The following SPTBN1 variants were observed in gnomAD, a reference collection of about 807,000 sequenced individuals.
SPTBN1 encodes spectrin beta chain, non-erythrocytic 1.
A neutral mutation model predicts 266.4 loss-of-function variants in SPTBN1; 32 were observed. The ratio of observed to expected loss-of-function variants is 0.12; its 90% CI spans 0.09 to 0.16. The LOEUF (loss-of-function observed/expected upper bound fraction) is 0.16. Ranked by LOEUF, SPTBN1 falls within the 10% of genes least tolerant of loss-of-function variation. The probability of loss-of-function intolerance (pLI) is 1.00; values close to 1 mark genes in which losing one functional copy is unlikely to be tolerated. For synonymous variants in SPTBN1, 1,336 were observed against 1,162.2 expected, an observed-to-expected ratio of 1.15 and a Z score of -3.04; for missense variants, 2,296 against 3,067.1, an observed-to-expected ratio of 0.75 and a Z score of 5.94.
intron 28 of SPTBN1, among the ~76,000 whole-genome samples, chr2:54,655,585 C>G (rs1428063136): frequency 6.6e-6 from 1 of 152,122 alleles, no homozygotes; most frequent in Non-Finnish European, 1.5e-5. Flanking sequence ...CGTGTGTGGC[C>G]CCCTGCATGG....
intron 1 of SPTBN1, among the ~76,000 whole-genome samples, chr2:54,507,375 G>A (rs542256736): frequency 6.6e-6 from 1 of 152,108 alleles, no homozygotes; most frequent in Non-Finnish European, 1.5e-5. Flanking sequence ...GGGTGGTATG[G>A]AGAGATAATG....
At chr2:54,668,255 C>G (rs1436650961) in intron 35 of SPTBN1, 96 bp from the exon 36 acceptor site, 3 of 1,185,698 alleles carry the variant, frequency 2.5e-6, no homozygotes, top group African/African-American at 1.5e-5. Context: ...CTGCTTACCC[C>G]TCAGTTGGCC....
chr2:54,558,684 A>G lies in SPTBN1; in HGVS notation c.148+32118A>G. The G allele has an allele frequency of 6.5e-7, 1 of 1,536,270 alleles. No homozygotes were observed. The highest frequency in any genetic ancestry group is 8.8e-7 in the Non-Finnish European group (1 of 1,137,956). On this transcript the variant is annotated intron_variant, in intron 2 of 35. Coordinates refer to ENST00000356805, the MANE Select transcript of SPTBN1 (RefSeq NM_003128.3). This position sits in a 1 kb window ranked among gnomAD's most constrained non-coding sequence, Gnocchi z 4.6. ...GGAATGGGGCTCGCCTAAGGAGCCG[A>G]GCGCTGCGGAGGCTGCTGCGTGTTG...
intron 17 of SPTBN1, among the ~76,000 whole-genome samples, chr2:54,633,539 C>G (rs1311086592): frequency 2.0e-5 from 3 of 152,112 alleles, no homozygotes; most frequent in African/African-American, 7.2e-5. Context: ...GCCCCGGTTA[C>G]TTAAGTTGGA....
At chr2:54,607,933 G>A (rs551017121) in intron 3 of SPTBN1, among the ~76,000 whole-genome samples, 241 of 152,302 alleles carry the variant, frequency 1.6e-3, no homozygotes, top group South Asian at 2.3e-3. Context: ...TAAAATGGCC[G>A]CTTGTTACCC....
chr2:54,635,291 C>T (rs1038048087), intron 17 of SPTBN1, among the ~76,000 whole-genome samples: 5 of 152,230 alleles, frequency 3.3e-5, no homozygotes, highest in African/African-American at 7.2e-5. Flanking sequence ...CGAATGATGT[C>T]CGTTGCACTA....
At chr2:54,655,301 T>C in intron 28 of SPTBN1, 93 bp downstream of exon 28, 4 of 1,451,984 alleles carry the variant, frequency 2.8e-6, no homozygotes, top group Non-Finnish European at 3.8e-6. Context: ...ATACTGTGTT[T>C]ACATTCTTAT....
chr2:54,547,360 TC>T (rs1336015477), intron 2 of SPTBN1, among the ~76,000 whole-genome samples: 1 of 152,254 alleles, frequency 6.6e-6, no homozygotes, highest in Non-Finnish European at 1.5e-5. Flanking sequence ...TATCCATTCA[TC>T]CATTGATGGA....
At chr2:54,580,149 C>A (rs1001993019) in intron 2 of SPTBN1, among the ~76,000 whole-genome samples, 1 of 152,238 alleles carries the variant, frequency 6.6e-6, no homozygotes, top group African/African-American at 2.4e-5. Flanking sequence ...TCCGGCCACA[C>A]GGAACCTGAG....
At chr2:54,603,077 T>G (rs1358217435) in intron 3 of SPTBN1, among the ~76,000 whole-genome samples, 2 of 152,106 alleles carry the variant, frequency 1.3e-5, no homozygotes, top group Non-Finnish European at 2.9e-5. Flanking sequence ...TGCCACATGA[T>G]AAAGTGCCAG....
At chr2:54,621,267 C>T (rs1297254079) in intron 7 of SPTBN1, 133 bp from the exon 8 acceptor site, 5 of 569,272 alleles carry the variant, frequency 8.8e-6, no homozygotes, top group Non-Finnish European at 1.6e-5. Flanking sequence ...GCACGGATGG[C>T]AGAACACTCA....
intron 2 of SPTBN1, among the ~76,000 whole-genome samples, chr2:54,531,683 G>T (rs1289744312): frequency 1.3e-5 from 2 of 151,400 alleles, no homozygotes; most frequent in Admixed American, 1.3e-4. Flanking sequence ...ACAATGAATC[G>T]GCCAGCAATC....
intron 1 of SPTBN1, among the ~76,000 whole-genome samples, chr2:54,511,312 G>A (rs756046856): frequency 3.3e-5 from 5 of 152,174 alleles, no homozygotes; most frequent in Non-Finnish European, 7.3e-5. Context: ...AAGCAGTCAT[G>A]TGCAGGCCTC....
In SPTBN1 at chr2:54,653,283, G is replaced by T; in HGVS notation, c.5578-326G>T. The T allele has an allele frequency of 4.6e-6, 1 of 218,748 alleles. No homozygotes were observed. The highest frequency in any genetic ancestry group is 1.3e-4 in the South Asian group (1 of 7,518). The allele number at this position is 218,748 out of a possible 1,614,324, so 13.6% of individuals were successfully genotyped here. ...ATAGCAGATTAGGTATTTATTTTTT[G>T]GACTGTATCTGAATATGTCCCACTC... is the stretch of plus-strand genomic sequence containing the variant. On this transcript the variant is annotated intron_variant, in intron 26 of 35. Coordinates refer to ENST00000356805, the MANE Select transcript of SPTBN1 (RefSeq NM_003128.3). This position sits in a 1 kb window ranked among gnomAD's most constrained non-coding sequence, Gnocchi z 5.1.
intron 2 of SPTBN1, among the ~76,000 whole-genome samples, chr2:54,588,543 CG>C (rs1319661674): frequency 6.6e-6 from 1 of 152,114 alleles, no homozygotes; most frequent in African/African-American, 2.4e-5. Flanking sequence ...AGCATGCCCT[CG>C]GGGGGATCCC....
intron 7 of SPTBN1, 106 bp downstream of exon 7, chr2:54,618,299 G>A: frequency 3.0e-6 from 3 of 987,668 alleles, no homozygotes; most frequent in Non-Finnish European, 4.4e-6. Flanking sequence ...AGTTATCAAA[G>A]GAAGAGCTTA....
In SPTBN1 at chr2:54,670,684, A is replaced by G. The variant is rs1681654777; in HGVS notation, c.*2115A>G. The G allele has an allele frequency of 2.5e-6, 1 of 398,626 alleles. No individual in the cohort carries two copies. The highest frequency in any genetic ancestry group is 4.4e-6 in the Non-Finnish European group (1 of 226,066). The allele number at this position is 398,626 out of a possible 1,614,324, so 24.7% of individuals were successfully genotyped here. On this transcript the variant is annotated 3_prime_UTR_variant, in exon 36 of 36. Coordinates refer to ENST00000356805, the MANE Select transcript of SPTBN1 (RefSeq NM_003128.3). ...AGATGGCAATAAGTTCATACCAGCA[A>G]TCCTGGAGTCCCATAATAAATACGT...
intron 34 of SPTBN1, among the ~76,000 whole-genome samples, chr2:54,666,353 T>TA (rs1178653546): frequency 6.6e-6 from 1 of 152,266 alleles, no homozygotes; most frequent in African/African-American, 2.4e-5. Flanking sequence ...ACCAGGCACT[T>TA]ACTGTTCCCT....
At chr2:54,655,879 A>C in intron 28 of SPTBN1, 35 bp from the exon 29 acceptor site, 1 of 1,556,596 alleles carries the variant, frequency 6.4e-7, no homozygotes, top group Non-Finnish European at 8.8e-7. Flanking sequence ...GGTGCATTCC[A>C]TTAAGATGTC....
Sources: gnomAD v4.1 joint callset for allele counts (sites outside exome capture counted in the v4.1 genomes callset) on GRCh38, gnomAD v4.1.1 for gene constraint, Gnocchi (gnomAD v3.1) non-coding constraint, MANE v1.5 for transcripts, NCBI Gene and HGNC (gene_info 2026-07-23, HGNC 2026-07-21) for gene names.